STX11: variants seen among roughly 807,000 people sequenced by gnomAD.
STX11 encodes syntaxin-11.
A neutral mutation model predicts 19.9 loss-of-function variants in STX11; 21 were observed. That is an observed-to-expected ratio of 1.06 (90% CI 0.75 to 1.52). STX11 has a LOEUF of 1.52. Ranked by LOEUF, STX11 falls within the 40% of genes most tolerant of loss-of-function variation. The pLI is 0.00. For missense variants in STX11, 438 were observed against 405.9 expected, an observed-to-expected ratio of 1.08 and a Z score of -0.68; for synonymous variants, 193 against 174.4, an observed-to-expected ratio of 1.11 and a Z score of -0.84.
intron 1 of STX11, among the ~76,000 whole-genome samples, chr6:144,178,551 T>C (rs1018527803): frequency 1.3e-5 from 2 of 152,194 alleles, no homozygotes; most frequent in Non-Finnish European, 2.9e-5. Flanking sequence ...AAAATTCTGA[T>C]TGAGGAAACT....
At chr6:144,161,119 C>T (rs1490693456) in intron 1 of STX11, among the ~76,000 whole-genome samples, 2 of 152,124 alleles carry the variant, frequency 1.3e-5, no homozygotes, top group Admixed American at 6.5e-5. Context: ...ACGGTAAATC[C>T]AGTTGAATAC....
chr6:144,140,578 G>GT, the STX11 span, among the ~76,000 whole-genome samples: 33 of 150,206 alleles, frequency 2.2e-4, no homozygotes, highest in African/African-American at 4.6e-4. Context: ...GAAACAACTT[G>GT]TTTTTTTTTG....
In STX11 at chr6:144,171,762, AAAAC is replaced by A. The variant is rs774226924; in HGVS notation, c.-5-14849_-5-14846del. ...CCGTAAGTATGACCACAGTCTTCAA[AAAAC>A]AAACAAACAAAAAAGAAGCGCTGTC... On this transcript the variant is annotated intron_variant, in intron 1 of 1. Transcript: ENST00000367568. 9.9e-4 allele frequency among the ~76,000 whole-genome samples: 150 copies of A among 152,268 alleles called. 1 individual carries two copies. Among genetic ancestry groups the A allele is most frequent in the South Asian group, 2.9e-3 (14 of 4,822 alleles).
intron 1 of STX11, among the ~76,000 whole-genome samples, chr6:144,166,252 C>T (rs1384214155): frequency 6.6e-6 from 1 of 152,108 alleles, no homozygotes; most frequent in Non-Finnish European, 1.5e-5. Flanking sequence ...AGATGTTCAA[C>T]GTATATGTAA....
In STX11 at chr6:144,159,661, G is replaced by T. The variant is rs1801283593; in HGVS notation, c.-6+8958G>T. On this transcript the variant is annotated intron_variant, in intron 1 of 1. Coordinates refer to ENST00000367568, the MANE Select transcript of STX11 (RefSeq NM_003764.4). This position sits in a 1 kb window ranked among gnomAD's most constrained non-coding sequence, Gnocchi z 4.3. ...CTCATTCAATGCACCATTACTAGAAGTTACTTTGTTAATATTTTAATATGT... is the reference window on the plus strand; with the variant it reads ...CTCATTCAATGCACCATTACTAGAATTTACTTTGTTAATATTTTAATATGT... Among the ~76,000 whole-genome samples, 1 of 152,154 alleles carries T rather than the reference G, an allele frequency of 6.6e-6. No homozygotes were observed. Among genetic ancestry groups the T allele is most frequent in the Admixed American group, 6.5e-5 (1 of 15,276 alleles).
At chr6:144,163,203 A>G (rs1329756887) in intron 1 of STX11, among the ~76,000 whole-genome samples, 2 of 152,212 alleles carry the variant, frequency 1.3e-5, no homozygotes, top group African/African-American at 2.4e-5. Context: ...TTTTGGTTTC[A>G]ACTGTGTCTA....
At position 144,183,252 on chromosome 6, in the gene STX11, A is replaced by G. The variant is rs563477007; in HGVS notation, c.-5-3371A>G. 1.3e-5 allele frequency among the ~76,000 whole-genome samples: 2 copies of G among 152,350 alleles called. No individual in the cohort carries two copies. The highest frequency in any genetic ancestry group is 6.5e-5 in the Admixed American group (1 of 15,304). On this transcript the variant is annotated intron_variant, in intron 1 of 1. Coordinates refer to ENST00000367568, the MANE Select transcript of STX11 (RefSeq NM_003764.4). This position sits in a 1 kb window ranked among gnomAD's most constrained non-coding sequence, Gnocchi z 4.6. Reference sequence around the variant, plus strand: ...AGAATGCTGCACATTCTCTTTCTCCATAACTACTTTTTATGCCTAACAGAG... The same window carrying G: ...AGAATGCTGCACATTCTCTTTCTCCGTAACTACTTTTTATGCCTAACAGAG...
rs1801790026 is a variant in STX11 at position 144,176,820 on chromosome 6, G to A, written c.-5-9803G>A. On this transcript the variant is annotated intron_variant, in intron 1 of 1. Coordinates refer to ENST00000367568, the MANE Select transcript of STX11 (RefSeq NM_003764.4). The surrounding 1 kb of genome is among the most constrained non-coding windows in gnomAD (Gnocchi z 4.1). ...AAGTGTGTCCAGGCATTTTAGAAGAGGATTTCCAACAAAGATAAGTAGATG... is the reference window on the plus strand; with the variant it reads ...AAGTGTGTCCAGGCATTTTAGAAGAAGATTTCCAACAAAGATAAGTAGATG... 6.6e-6 allele frequency among the ~76,000 whole-genome samples: 1 copy of A among 152,092 alleles called. No individual in the cohort carries two copies. Among genetic ancestry groups the A allele is most frequent in the Non-Finnish European group, 1.5e-5 (1 of 68,018 alleles).
At position 144,170,060 on chromosome 6, in the gene STX11, A is replaced by T. The variant is rs923782135; in HGVS notation, c.-5-16563A>T. 6.6e-6 allele frequency among the ~76,000 whole-genome samples: 1 copy of T among 152,208 alleles called. No homozygotes were observed. The highest frequency in any genetic ancestry group is 1.9e-4 in the East Asian group (1 of 5,206). On this transcript the variant is annotated intron_variant, in intron 1 of 1. Coordinates refer to ENST00000367568, the MANE Select transcript of STX11 (RefSeq NM_003764.4). This position sits in a 1 kb window ranked among gnomAD's most constrained non-coding sequence, Gnocchi z 4.7. ...ATTTATCTTTTTGTTTCTTCAGGTC[A>T]TATAAGGTGGTCATTCCAACACCAT...
At chr6:144,149,533 G>A (rs1456258245), upstream of STX11, among the ~76,000 whole-genome samples, 1 of 152,286 alleles carries the variant, frequency 6.6e-6, no homozygotes, top group East Asian at 1.9e-4. The surrounding 1 kb of genome is among the most constrained non-coding windows in gnomAD (Gnocchi z 5.1). Context: ...CTGGAGTACA[G>A]TGGCGCGATC....
upstream of STX11, among the ~76,000 whole-genome samples, chr6:144,148,111 AT>A (rs1800910145): frequency 2.0e-5 from 3 of 152,192 alleles, no homozygotes; most frequent in South Asian, 6.2e-4. Flanking sequence ...CAGCAACATC[AT>A]TTAGCTTCTC....
chr6:144,151,186 A>G lies in STX11; in HGVS notation c.-6+483A>G. Reference sequence around the variant, plus strand: ...GTAGCCAGGAAAGACGGAGAAATTGATAGAGCCTTCGAGGAGTCCCTTCGA... The same window carrying G: ...GTAGCCAGGAAAGACGGAGAAATTGGTAGAGCCTTCGAGGAGTCCCTTCGA... On this transcript the variant is annotated intron_variant, in intron 1 of 1. Coordinates refer to ENST00000367568, the MANE Select transcript of STX11 (RefSeq NM_003764.4). The surrounding 1 kb of genome is among the most constrained non-coding windows in gnomAD (Gnocchi z 4.6). The G allele has an allele frequency of 1.0e-6, 1 of 966,912 alleles. No homozygotes were observed. Among genetic ancestry groups the G allele is most frequent in the Non-Finnish European group, 1.2e-6 (1 of 813,050 alleles). The allele number at this position is 966,912 out of a possible 1,614,324, so 59.9% of individuals were successfully genotyped here.
rs919224096 is a variant in STX11 at position 144,162,050 on chromosome 6, T to C, written c.-6+11347T>C. The stretch of plus-strand genomic sequence containing the variant: ...ATTCACTGAATCCTCCTCTTTTCAG[T>C]TGGCTACCTCTACCGCACTCTAGAT... On this transcript the variant is annotated intron_variant, in intron 1 of 1. Coordinates refer to ENST00000367568, the MANE Select transcript of STX11 (RefSeq NM_003764.4). This position sits in a 1 kb window ranked among gnomAD's most constrained non-coding sequence, Gnocchi z 4.6. Among the ~76,000 whole-genome samples, 6 of 152,222 alleles carry C rather than the reference T, an allele frequency of 3.9e-5. No homozygotes were observed. The highest frequency in any genetic ancestry group is 1.4e-4 in the African/African-American group (6 of 41,454).
At chr6:144,140,212 A>ATT in the STX11 span, among the ~76,000 whole-genome samples, 3 of 80,728 alleles carry the variant, frequency 3.7e-5, no homozygotes, top group African/African-American at 1.1e-4. Flanking sequence ...CAATTCACAT[A>ATT]TATATATATA....
upstream of STX11, among the ~76,000 whole-genome samples, chr6:144,146,880 G>A (rs1800883186): frequency 6.6e-6 from 1 of 152,152 alleles, no homozygotes; most frequent in Non-Finnish European, 1.5e-5. The surrounding 1 kb of genome is among the most constrained non-coding windows in gnomAD (Gnocchi z 4.4). Flanking sequence ...GAGGAAGACT[G>A]CCTGAAAAAG....
In STX11 at chr6:144,180,717, A is replaced by T. The variant is rs1801891164; in HGVS notation, c.-5-5906A>T. On this transcript the variant is annotated intron_variant, in intron 1 of 1. Transcript: ENST00000367568. This position sits in a 1 kb window ranked among gnomAD's most constrained non-coding sequence, Gnocchi z 5.3. The stretch of plus-strand genomic sequence containing the variant: ...TGTGAAAATGGACTAATACAATGTG[A>T]TTGTCACCTCCACTCTTTGGTCTGC... 6.6e-6 allele frequency among the ~76,000 whole-genome samples: 1 copy of T among 152,126 alleles called. No individual in the cohort carries two copies. The highest frequency in any genetic ancestry group is 2.1e-4 in the South Asian group (1 of 4,822).
Position 144,151,190 on chromosome 6 carries a change from A to T in STX11, c.-6+487A>T, listed in dbSNP as rs1034207550. 5.2e-6 allele frequency: 5 copies of T among 963,102 alleles called. No homozygotes were observed. The allele number at this position is 963,102 out of a possible 1,614,324, so 59.7% of individuals were successfully genotyped here. A position where few individuals can be genotyped will look rare whatever the true frequency, so the allele number is the denominator to read the frequency against. Reference sequence around the variant, plus strand: ...CCAGGAAAGACGGAGAAATTGATAGAGCCTTCGAGGAGTCCCTTCGAAGCC... The same window carrying T: ...CCAGGAAAGACGGAGAAATTGATAGTGCCTTCGAGGAGTCCCTTCGAAGCC... On this transcript the variant is annotated intron_variant, in intron 1 of 1. Coordinates refer to ENST00000367568, the MANE Select transcript of STX11 (RefSeq NM_003764.4). The surrounding 1 kb of genome is among the most constrained non-coding windows in gnomAD (Gnocchi z 4.6).
chr6:144,191,293 T>C lies in STX11; in HGVS notation c.*3802T>C, dbSNP rs565272617. 6.8e-6 allele frequency among the ~76,000 whole-genome samples: 1 copy of C among 148,140 alleles called. No homozygotes were observed. Among genetic ancestry groups the C allele is most frequent in the East Asian group, 2.0e-4 (1 of 5,058 alleles). On this transcript the variant is annotated 3_prime_UTR_variant, in exon 2 of 2. Coordinates refer to ENST00000367568, the MANE Select transcript of STX11 (RefSeq NM_003764.4). ...CATCGGTATCCAGGATAATATGAGT[T>C]AGAATTTTAAAAATGTCAGTCATTC...
At chr6:144,141,597 T>C in the STX11 span, among the ~76,000 whole-genome samples, 6 of 152,226 alleles carry the variant, frequency 3.9e-5, no homozygotes, top group East Asian at 1.9e-4. Flanking sequence ...ATTGCCCTTT[T>C]GTGCAGATAA....
Sources: allele counts gnomAD v4.1 joint callset (sites outside exome capture counted in the v4.1 genomes callset), GRCh38; gene constraint gnomAD v4.1.1; non-coding constraint Gnocchi (gnomAD v3.1); transcripts MANE v1.5; gene names NCBI Gene and HGNC (gene_info 2026-07-23, HGNC 2026-07-21).